CNBD1: variants seen among roughly 807,000 people sequenced by gnomAD.
The protein encoded by CNBD1 is cyclic nucleotide binding domain containing 1.
CNBD1 carries 71 observed loss-of-function variants against 54.4 expected under a neutral mutation model. The ratio of observed to expected loss-of-function variants is 1.30; its 90% CI spans 1.08 to 1.59. The LOEUF is 1.59. Among genes scored for constraint, CNBD1 ranks in the 40% most tolerant of loss-of-function variants. The pLI, the probability that CNBD1 is intolerant of heterozygous loss-of-function variation, is 0.00. For missense variants in CNBD1, 659 were observed against 518.0 expected (o/e 1.27, Z -2.64); for synonymous variants, 182 against 170.7 (o/e 1.07, Z -0.51).
chr8:87,367,290 C>A (rs913436621), intron 10 of CNBD1, among the ~76,000 whole-genome samples: 6 of 152,026 alleles, frequency 3.9e-5, no homozygotes, highest in Non-Finnish European at 7.4e-5. Flanking sequence ...TGTAGTCAGA[C>A]AATAGTGTAC....
intron 4 of CNBD1, among the ~76,000 whole-genome samples, chr8:86,962,320 C>A (rs2130472389): frequency 6.6e-6 from 1 of 152,274 alleles, no homozygotes; most frequent in African/African-American, 2.4e-5. Flanking sequence ...GCTTTGATAA[C>A]CATGGACATC....
chr8:86,871,987 G>A (rs745503491), intron 1 of CNBD1, among the ~76,000 whole-genome samples: 9 of 152,294 alleles, frequency 5.9e-5, no homozygotes, highest in East Asian at 5.8e-4. Flanking sequence ...AGTACTCAGC[G>A]TAGCTCATTT....
At chr8:86,882,392 A>G (rs563556750) in intron 1 of CNBD1, among the ~76,000 whole-genome samples, 1 of 152,346 alleles carries the variant, frequency 6.6e-6, no homozygotes, top group Admixed American at 6.5e-5. Flanking sequence ...AAAAGAAGAC[A>G]TAAATGTGGC....
intron 2 of CNBD1, among the ~76,000 whole-genome samples, chr8:87,409,789 G>A (rs1267390957): frequency 6.6e-6 from 1 of 152,076 alleles, no homozygotes; most frequent in Non-Finnish European, 1.5e-5. Flanking sequence ...TTGGGAGGCT[G>A]AAGCGGGAGG....
chr8:87,265,980 A>C (rs1258095335), intron 6 of CNBD1, among the ~76,000 whole-genome samples: 1 of 152,146 alleles, frequency 6.6e-6, no homozygotes, highest in African/African-American at 2.4e-5. Context: ...AAAAGATTCT[A>C]TTTAAGTAGC....
At chr8:87,230,154 A>G (rs566592118) in intron 5 of CNBD1, among the ~76,000 whole-genome samples, 19 of 152,218 alleles carry the variant, frequency 1.2e-4, no homozygotes, top group Admixed American at 1.1e-3. Flanking sequence ...GTTTTAAACA[A>G]TGGGATTTCA....
intron 8 of CNBD1, among the ~76,000 whole-genome samples, chr8:87,333,021 A>C (rs1394238443): frequency 6.6e-6 from 1 of 152,010 alleles, no homozygotes; most frequent in African/African-American, 2.4e-5. Flanking sequence ...ATGTTTCTCC[A>C]TTTGTTTGTG....
intron 4 of CNBD1, among the ~76,000 whole-genome samples, chr8:87,190,370 C>T (rs573714324): frequency 6.6e-6 from 1 of 152,102 alleles, no homozygotes; most frequent in Non-Finnish European, 1.5e-5. Context: ...AGCTGATGAC[C>T]TAAATTTTCA....
chr8:87,405,050 G>A (rs1185054499), intron 2 of CNBD1, among the ~76,000 whole-genome samples: 2 of 151,940 alleles, frequency 1.3e-5, no homozygotes, highest in Non-Finnish European at 2.9e-5. Context: ...TCAGTACTGA[G>A]TTGAAGAAAA....
At chr8:87,360,898 G>GT (rs1318735091) in intron 10 of CNBD1, among the ~76,000 whole-genome samples, 1 of 151,774 alleles carries the variant, frequency 6.6e-6, no homozygotes, top group Non-Finnish European at 1.5e-5. Context: ...GGAGGTCAGA[G>GT]TTTTTACTGC....
chr8:87,283,655 C>A (rs1432978612), intron 6 of CNBD1, among the ~76,000 whole-genome samples: 1 of 152,068 alleles, frequency 6.6e-6, no homozygotes, highest in Non-Finnish European at 1.5e-5. Context: ...AGATAGCCAG[C>A]TTCTATGTGG....
chr8:86,960,345 C>A (rs537469770), intron 4 of CNBD1, among the ~76,000 whole-genome samples: 13 of 152,292 alleles, frequency 8.5e-5, no homozygotes, highest in South Asian at 2.1e-4. Flanking sequence ...TATCCCGCTC[C>A]TGGCTCAGAG....
rs1304062985 is a variant in CNBD1 at position 87,408,279 on chromosome 8, TTTC to T, written c.214-20261_214-20259del. ...GTTTTCTCAGTGTTTTTCAACCTATTTTCTTCTTATGCTTCAAACTGAGCATTT... is the reference window on the plus strand; with the variant it reads ...GTTTTCTCAGTGTTTTTCAACCTATTTTCTTATGCTTCAAACTGAGCATTT... On this transcript the variant is annotated intron_variant, in intron 2 of 7. Coordinates refer to the CNBD1 transcript ENST00000521593. Among the ~76,000 whole-genome samples, 4 of 152,068 alleles carry T rather than the reference TTTC, an allele frequency of 2.6e-5. No individual in the cohort carries two copies. The East Asian group carries it at 5.8e-4, about 22-fold the overall frequency.
rs557654788 is a variant in CNBD1 at position 87,404,457 on chromosome 8, C to A, written c.214-24089C>A. On this transcript the variant is annotated intron_variant, in intron 2 of 7. Transcript: ENST00000521593. ...TGGGTACTGAGTTTCATTTCCTGAA[C>A]TTTCCCTCCACTTTTCACAGAACAA... is the stretch of plus-strand genomic sequence containing the variant. Among the ~76,000 whole-genome samples, 6 of 152,168 alleles carry A rather than the reference C, an allele frequency of 3.9e-5. No homozygotes were observed. The East Asian group carries it at 7.8e-4, about 20-fold the overall frequency.
chr8:87,355,274 C>T (rs1810398302), intron 10 of CNBD1, among the ~76,000 whole-genome samples: 1 of 152,118 alleles, frequency 6.6e-6, no homozygotes, highest in Admixed American at 6.6e-5. Flanking sequence ...ATCTCTCTGC[C>T]ACTTCCCAGG....
chr8:87,321,854 C>G (rs1205778051), intron 8 of CNBD1, among the ~76,000 whole-genome samples: 6 of 146,762 alleles, frequency 4.1e-5, no homozygotes, highest in Non-Finnish European at 1.5e-5. Flanking sequence ...GCACATTGTG[C>G]AGGTTAGTTA....
At chr8:87,211,621 C>T (rs1373926126) in intron 5 of CNBD1, among the ~76,000 whole-genome samples, 1 of 152,140 alleles carries the variant, frequency 6.6e-6, no homozygotes, top group African/African-American at 2.4e-5. Flanking sequence ...TCCCCTTATT[C>T]TCTCTCCTGC....
intron 10 of CNBD1, among the ~76,000 whole-genome samples, chr8:87,376,751 G>A (rs1054691291): frequency 1.3e-5 from 2 of 151,782 alleles, no homozygotes; most frequent in Non-Finnish European, 2.9e-5. Flanking sequence ...TATAGGTAAG[G>A]CAACAAAGGC....
chr8:87,023,873 C>A (rs1204637813), intron 4 of CNBD1, among the ~76,000 whole-genome samples: 1 of 152,120 alleles, frequency 6.6e-6, no homozygotes. Flanking sequence ...ATTATAAATG[C>A]AGTTTAGCTT....
Sources: allele counts gnomAD v4.1 joint callset (sites outside exome capture counted in the v4.1 genomes callset), GRCh38; gene constraint gnomAD v4.1.1; transcripts MANE v1.5; gene names NCBI Gene and HGNC (gene_info 2026-07-23, HGNC 2026-07-21).